The following PTPRT variants were observed in gnomAD, a reference collection of about 807,000 sequenced individuals.
PTPRT encodes protein tyrosine phosphatase receptor type T, also known as receptor-type tyrosine-protein phosphatase T.
In PTPRT, 56 loss-of-function variants were observed where a neutral mutation model predicts 176.8. That is an observed-to-expected ratio of 0.32 (90% CI 0.26 to 0.40). PTPRT has a LOEUF of 0.40. PTPRT is among the 10% of genes least tolerant of loss of function. PTPRT has a pLI of 1.00. For synonymous variants in PTPRT, 783 were observed against 739.0 expected, an observed-to-expected ratio of 1.06 and a Z score of -0.96; for missense variants, 1,540 against 1,908.2, an observed-to-expected ratio of 0.81 and a Z score of 3.60.
chr20:42,578,035 G>A (rs1429859681), intron 7 of PTPRT, among the ~76,000 whole-genome samples: 2 of 151,904 alleles, frequency 1.3e-5, no homozygotes, highest in African/African-American at 4.8e-5. Context: ...GGAAGGCAGA[G>A]CCCATCTGAC....
At chr20:42,072,074 A>G (rs1050077993), downstream of PTPRT, among the ~76,000 whole-genome samples, 1 of 152,214 alleles carries the variant, frequency 6.6e-6, no homozygotes, top group African/African-American at 2.4e-5. Flanking sequence ...TGTTGCAGAT[A>G]TGATTCAAGC....
chr20:42,924,970 T>C (rs1979387715), intron 1 of PTPRT, among the ~76,000 whole-genome samples: 1 of 152,348 alleles, frequency 6.6e-6, no homozygotes, highest in Admixed American at 6.5e-5. Flanking sequence ...GTGAATCTGA[T>C]GCAGGTGGCG....
chr20:42,584,387 C>G (rs767957574), intron 7 of PTPRT, among the ~76,000 whole-genome samples: 3 of 152,120 alleles, frequency 2.0e-5, no homozygotes, highest in Non-Finnish European at 2.9e-5. Flanking sequence ...CAAACATGGT[C>G]CTCCCACCTC....
chr20:42,869,759 T>C (rs996373643), intron 2 of PTPRT, among the ~76,000 whole-genome samples: 2 of 152,224 alleles, frequency 1.3e-5, no homozygotes, highest in African/African-American at 4.8e-5. Flanking sequence ...TTTTGGGGCA[T>C]CTGGAGGAGA....
intron 1 of PTPRT, among the ~76,000 whole-genome samples, chr20:43,111,876 T>C (rs1344512466): frequency 6.6e-6 from 1 of 152,212 alleles, no homozygotes; most frequent in East Asian, 1.9e-4. Flanking sequence ...CTTTCATGTT[T>C]AGCAGAGCCA....
intron 6 of PTPRT, among the ~76,000 whole-genome samples, chr20:42,696,347 C>T (rs1018231003): frequency 1.3e-5 from 2 of 150,762 alleles, no homozygotes; most frequent in African/African-American, 4.9e-5. Flanking sequence ...CTCTCCCGTT[C>T]TCCTTTCTCT....
At chr20:42,783,714 G>T (rs1270839788) in intron 3 of PTPRT, among the ~76,000 whole-genome samples, 1 of 152,152 alleles carries the variant, frequency 6.6e-6, no homozygotes, top group East Asian at 1.9e-4. Flanking sequence ...GAGGGAGAAT[G>T]GTTATCTCTG....
intron 7 of PTPRT, among the ~76,000 whole-genome samples, chr20:42,618,417 G>C (rs2074122600): frequency 7.4e-6 from 1 of 135,966 alleles, no homozygotes; most frequent in Non-Finnish European, 1.5e-5. Context: ...TGTATATTCT[G>C]TTGATTTGGG....
the PTPRT span, among the ~76,000 whole-genome samples, chr20:42,032,525 T>C: frequency 6.6e-6 from 1 of 152,156 alleles, no homozygotes. Flanking sequence ...TTATTAATCA[T>C]GAGATTCCTT....
chr20:42,376,478 T>G (rs1277023981), intron 9 of PTPRT, among the ~76,000 whole-genome samples: 2 of 152,190 alleles, frequency 1.3e-5, no homozygotes, highest in Non-Finnish European at 2.9e-5. Flanking sequence ...GACAGTCCAG[T>G]TGCCTTTCTG....
intron 1 of PTPRT, among the ~76,000 whole-genome samples, chr20:42,888,339 C>T (rs998870558): frequency 2.0e-5 from 3 of 151,600 alleles, no homozygotes; most frequent in Admixed American, 1.3e-4. Context: ...CATACCTCAA[C>T]ACAGTGATCC....
intron 13 of PTPRT, among the ~76,000 whole-genome samples, chr20:42,254,440 A>C (rs2056602473): frequency 6.6e-6 from 1 of 152,190 alleles, no homozygotes; most frequent in African/African-American, 2.4e-5. Context: ...GAGATGCACA[A>C]TGTTCCAGAG....
At chr20:42,689,773 C>T (rs958634005) in intron 6 of PTPRT, among the ~76,000 whole-genome samples, 2 of 152,018 alleles carry the variant, frequency 1.3e-5, no homozygotes, top group African/African-American at 4.8e-5. Context: ...TATGTTCTGG[C>T]TGTGAGGGTG....
At chr20:42,252,754 G>T (rs575194047) in intron 13 of PTPRT, among the ~76,000 whole-genome samples, 1 of 152,184 alleles carries the variant, frequency 6.6e-6, no homozygotes, top group Non-Finnish European at 1.5e-5. Context: ...ACATACTTGA[G>T]GGCCACAGAA....
intron 15 of PTPRT, among the ~76,000 whole-genome samples, chr20:42,208,938 CA>C (rs2055545548): frequency 6.6e-6 from 1 of 152,188 alleles, no homozygotes; most frequent in Non-Finnish European, 1.5e-5. Flanking sequence ...GAAATTATAA[CA>C]AACTATCTCT....
At chr20:42,182,532 TA>T (rs1990565300) in intron 16 of PTPRT, among the ~76,000 whole-genome samples, 1 of 152,134 alleles carries the variant, frequency 6.6e-6, no homozygotes, top group African/African-American at 2.4e-5. Flanking sequence ...AAGTGACTGT[TA>T]GTTTGGAATG....
chr20:42,742,922 T>G (rs1356841743), intron 6 of PTPRT, among the ~76,000 whole-genome samples: 2 of 152,170 alleles, frequency 1.3e-5, no homozygotes, highest in East Asian at 1.9e-4. Context: ...GCTTCTAAAG[T>G]GCAGCCTCCT....
intron 9 of PTPRT, among the ~76,000 whole-genome samples, chr20:42,403,350 A>C (rs981201439): frequency 6.6e-6 from 1 of 152,208 alleles, no homozygotes; most frequent in African/African-American, 2.4e-5. Flanking sequence ...AAATGATACC[A>C]CAATGACTAG....
At chr20:42,086,753 A>AAATATATATATATATAT (rs1983991312) in intron 27 of PTPRT, among the ~76,000 whole-genome samples, 9 of 95,524 alleles carry the variant, frequency 9.4e-5, no homozygotes, top group Admixed American at 1.0e-4. Context: ...AAAAAAAAAA[A>AAATATATATATATATAT]ATATATATAT....
Sources: gnomAD v4.1 joint callset for allele counts (sites outside exome capture counted in the v4.1 genomes callset) on GRCh38, gnomAD v4.1.1 for gene constraint, MANE v1.5 for transcripts, NCBI Gene and HGNC (gene_info 2026-07-23, HGNC 2026-07-21) for gene names.